PNPLA6: variants seen among roughly 807,000 people sequenced by gnomAD.
The protein encoded by PNPLA6 is patatin like domain 6, lysophospholipase.
A neutral mutation model predicts 153.7 loss-of-function variants in PNPLA6; 105 were observed. The ratio of observed to expected loss-of-function variants is 0.68; its 90% CI spans 0.58 to 0.80. The LOEUF (loss-of-function observed/expected upper bound fraction) is 0.80, where lower values mean the gene tolerates loss of function less well. Ranked by LOEUF, PNPLA6 falls within the 30% of genes least tolerant of loss-of-function variation. The probability of loss-of-function intolerance (pLI) is 0.00; values close to 1 mark genes in which losing one functional copy is unlikely to be tolerated. For synonymous variants in PNPLA6, 825 were observed against 822.2 expected, an observed-to-expected ratio of 1.00 and a Z score of -0.06; for missense variants, 1,423 against 1,919.3, an observed-to-expected ratio of 0.74 and a Z score of 4.83.
chr19:7,555,847 C>A lies in PNPLA6; in HGVS notation c.3093+84C>A. 1 of 1,437,726 alleles carries A rather than the reference C, an allele frequency of 7.0e-7. No individual in the cohort carries two copies. 89.1% of individuals were successfully genotyped at this position (1,437,726 alleles called of 1,614,324 possible). A position where few individuals can be genotyped will look rare whatever the true frequency, so the allele number is the denominator to read the frequency against. ...AACCTAACCTGATCCCATGGGGGAG[C>A]CTCCGGGGTCAGGGTGACCCTTCCT... On this transcript the variant is annotated intron_variant, in intron 24 of 31. Transcript: ENST00000600737. The surrounding 1 kb of genome is among the most constrained non-coding windows in gnomAD (Gnocchi z 6.3).
chr19:7,556,845 C>T (rs748041369), intron 26 of PNPLA6, 121 bp downstream of exon 26: 12 of 792,394 alleles, frequency 1.5e-5, no homozygotes, highest in African/African-American at 1.0e-4. Flanking sequence ...CACCCTGGCC[C>T]GATCACCGAC....
At position 7,540,611 on chromosome 19, in the gene PNPLA6, A is replaced by G. The variant is rs2023088200; in HGVS notation, c.715-19A>G. ...ACCAGGGCGAGGCCACTGAGGGTCC[A>G]CGGTCTCCTGTGTCTCAGGACGGGA... On this transcript the variant is annotated intron_variant, in intron 5 of 31. Coordinates refer to ENST00000600737, the MANE Select transcript of PNPLA6 (RefSeq NM_001166114.2). This position sits in a 1 kb window ranked among gnomAD's most constrained non-coding sequence, Gnocchi z 6.8. The G allele has an allele frequency of 6.2e-7, 1 of 1,602,250 alleles. No individual in the cohort carries two copies. Among genetic ancestry groups the G allele is most frequent in the Admixed American group, 1.7e-5 (1 of 59,994 alleles).
chr19:7,535,428 TGG>T, upstream of PNPLA6: 1 of 1,040,946 alleles, frequency 9.6e-7, no homozygotes, highest in Non-Finnish European at 1.5e-6. This position sits in a 1 kb window ranked among gnomAD's most constrained non-coding sequence, Gnocchi z 5.0. Flanking sequence ...GGGCTTGAGC[TGG>T]GGGCAGGGCT....
rs1332654239 is a variant in PNPLA6 at position 7,535,730 on chromosome 19, C to T, written c.-59C>T. 24 of 1,518,848 alleles carry T rather than the reference C, an allele frequency of 1.6e-5. No homozygotes were observed. The East Asian group carries it at 5.9e-4, about 38-fold the overall frequency. The allele number at this position is 1,518,848 out of a possible 1,614,324, so 94.1% of individuals were successfully genotyped here. A position where few individuals can be genotyped will look rare whatever the true frequency, so the allele number is the denominator to read the frequency against. On this transcript the variant is annotated 5_prime_UTR_variant, in exon 1 of 32. Coordinates refer to ENST00000600737, the MANE Select transcript of PNPLA6 (RefSeq NM_001166114.2). This position sits in a 1 kb window ranked among gnomAD's most constrained non-coding sequence, Gnocchi z 5.0. ...GTTTCCCGGCATGCACTGCGGGCCG[C>T]CGGGCCTCAGGGAAGAGTCGCGCCC...
rs780340075 is a variant in PNPLA6, at chr19:7,550,068, A to T, written c.1770A>T (p.Gln590His). The T allele has an allele frequency of 6.2e-7, 1 of 1,614,054 alleles. No homozygotes were observed. The highest frequency in any genetic ancestry group is 8.5e-7 in the Non-Finnish European group (1 of 1,180,028). The change falls in exon 14 of 32, where the codon CAA (glutamine) becomes CAT (histidine). Residue 590 changes from glutamine (Q) to histidine (H), a missense_variant. Transcript: ENST00000600737. ...CTCTCATCTTCACACTGCGAGCCCA[A>T]CGCGACTGCACCTTCCTGCGGATCT... Reference protein sequence around the residue: ...GEPLIFTLRAQRDCTFLRISK... With the variant: ...GEPLIFTLRAHRDCTFLRISK...
chr19:7,540,078 T>A lies in PNPLA6; in HGVS notation c.554+20T>A. On this transcript the variant is annotated intron_variant, in intron 4 of 31. Coordinates refer to ENST00000600737, the MANE Select transcript of PNPLA6 (RefSeq NM_001166114.2). This position sits in a 1 kb window ranked among gnomAD's most constrained non-coding sequence, Gnocchi z 6.8. ...CGTCCGGTCAGTGTTGGGGTGCAGG[T>A]GGGGGTGGAGGGCTGCAGACGTGGG... 1 of 1,613,832 alleles carries A rather than the reference T, an allele frequency of 6.2e-7. No homozygotes were observed. Among genetic ancestry groups the A allele is most frequent in the Non-Finnish European group, 8.5e-7 (1 of 1,179,936 alleles).
chr19:7,558,206 TCA>T (rs2023966382), intron 27 of PNPLA6, among the ~76,000 whole-genome samples: 1 of 152,126 alleles, frequency 6.6e-6, no homozygotes, highest in South Asian at 2.1e-4. Flanking sequence ...ACTTAAAATC[TCA>T]CACCCCAGAA....
Position 7,540,912 on chromosome 19 carries a change from C to T in PNPLA6, c.796-11C>T, listed in dbSNP as rs758381371. 6 of 1,612,926 alleles carry T rather than the reference C, an allele frequency of 3.7e-6. No homozygotes were observed. The African/African-American group carries it at 6.7e-5, about 18-fold the overall frequency. ...TGCCCTTGTCTCTCTTCACGCCCTC[C>T]CCTCCCCCAGGGTCACCAGCATCCC... On this transcript the variant is annotated splice_polypyrimidine_tract_variant and intron_variant, in intron 6 of 31. Coordinates refer to ENST00000600737, the MANE Select transcript of PNPLA6 (RefSeq NM_001166114.2). This position sits in a 1 kb window ranked among gnomAD's most constrained non-coding sequence, Gnocchi z 6.8.
In PNPLA6 at chr19:7,555,725, G is replaced by T; in HGVS notation, c.3055G>T (p.Ala1019Ser). Residue 1019 changes from alanine to serine, a missense_variant, in exon 24 of 32, where the codon GCC becomes TCC. Ala to Ser is a moderately conservative substitution (Grantham distance 99). Around this residue, in one of 10 missense-constraint regions of PNPLA6, gnomAD observed 643 missense variants for 835.2 expected, o/e 0.77. Transcript: ENST00000600737. The surrounding 1 kb of genome is among the most constrained non-coding windows in gnomAD (Gnocchi z 6.3). ...AGCGTTGTACGCGGAGGAGCGCAGC[G>T]CCAGCCGCACGAAGCAGCGGGCCCG... is the stretch of plus-strand genomic sequence containing the variant. Reference protein sequence around the residue: ...IGALYAEERSASRTKQRAREW... With the variant: ...IGALYAEERSSSRTKQRAREW... 6.2e-7 allele frequency: 1 copy of T among 1,613,790 alleles called. No homozygotes were observed. The highest frequency in any genetic ancestry group is 8.5e-7 in the Non-Finnish European group (1 of 1,179,854).
Position 7,557,184 on chromosome 19 carries a change from C to T in PNPLA6, c.3297C>T (p.Tyr1099=), listed in dbSNP as rs970236670. The change falls in exon 27 of 32, where the codon TAC becomes TAT. Residue 1099 remains tyrosine (Y), a synonymous_variant. Transcript: ENST00000600737. ...ACCGCGCAGGCTCCCTGTGGCGGTACGTGCGCGCCAGCATGACGCTGTCGG... is the reference window on the plus strand; with the variant it reads ...ACCGCGCAGGCTCCCTGTGGCGGTATGTGCGCGCCAGCATGACGCTGTCGG... The part of the protein sequence containing the change: ...RVHKDGSLWR[Y]VRASMTLSGY... 12 of 1,612,430 alleles carry T rather than the reference C, an allele frequency of 7.4e-6. No individual in the cohort carries two copies. Among genetic ancestry groups the T allele is most frequent in the East Asian group, 4.5e-5 (2 of 44,866 alleles).
rs761319242 is a variant in PNPLA6, at chr19:7,554,236, T to C, written c.2429T>C (p.Ile810Thr). The C allele has an allele frequency of 1.2e-6, 2 of 1,613,990 alleles. No individual in the cohort carries two copies. The highest frequency in any genetic ancestry group is 1.7e-6 in the Non-Finnish European group (2 of 1,179,964). The change falls in exon 20 of 32, where the codon ATC becomes ACC. Residue 810 changes from isoleucine (I) to threonine (T), a missense_variant. Physicochemically the swap from Ile to Thr is moderately conservative, Grantham distance 89 (BLOSUM62 -1). Around this residue, in one of 10 missense-constraint regions of PNPLA6, gnomAD observed 643 missense variants for 835.2 expected, o/e 0.77. Transcript: ENST00000600737. ...CCGACGCTACTCCTTAACAGTGACA[T>C]CATCCGGGCACGCCTGGGGGCCTCC... ...IGPTLLLNSDIIRARLGASAL... is the reference protein window; with the variant it reads ...IGPTLLLNSDTIRARLGASAL...
chr19:7,537,266 G>C (rs2022922304), intron 3 of PNPLA6, among the ~76,000 whole-genome samples: 1 of 152,076 alleles, frequency 6.6e-6, no homozygotes, highest in Non-Finnish European at 1.5e-5. Flanking sequence ...CTCCTAAAGG[G>C]GCTATCTCCA....
intron 18 of PNPLA6, 28 bp downstream of exon 18, chr19:7,551,465 T>G: frequency 1.9e-6 from 3 of 1,578,008 alleles, no homozygotes; most frequent in Non-Finnish European, 2.6e-6. Context: ...CAGAGCGTGC[T>G]GGGAGATGTA....
chr19:7,538,939 T>G (rs2022997104), intron 3 of PNPLA6, among the ~76,000 whole-genome samples: 1 of 152,204 alleles, frequency 6.6e-6, no homozygotes, highest in Admixed American at 6.5e-5. Context: ...GGAAGCTATG[T>G]CAGGGGTCTG....
intron 3 of PNPLA6, among the ~76,000 whole-genome samples, chr19:7,538,961 G>C (rs2022998098): frequency 6.6e-6 from 1 of 152,264 alleles, no homozygotes; most frequent in Middle Eastern, 3.4e-3. Context: ...CTTCCTAAAG[G>C]GTTCAGCTCA....
At chr19:7,535,701 CT>C (rs2022824369), upstream of PNPLA6, 1 of 1,523,958 alleles carries the variant, frequency 6.6e-7, no homozygotes, top group South Asian at 1.2e-5. This position sits in a 1 kb window ranked among gnomAD's most constrained non-coding sequence, Gnocchi z 5.0. Flanking sequence ...TCGGGCGGAA[CT>C]ACGTTTCCCG....
Position 7,560,642 on chromosome 19 carries a change from C to G in PNPLA6, c.3700-6C>G, listed in dbSNP as rs1460962453. On this transcript the variant is annotated splice_region_variant and splice_polypyrimidine_tract_variant and intron_variant, in intron 28 of 31. Transcript: ENST00000600737. ...AGACATGGACCCAGCCCCTCATTTC[C>G]CACAGGATGTGGGCTACCAGTACGG... 1.9e-6 allele frequency: 3 copies of G among 1,601,512 alleles called. No homozygotes were observed. Among genetic ancestry groups the G allele is most frequent in the African/African-American group, 1.3e-5 (1 of 74,640 alleles).
At chr19:7,556,355 C>T (rs1268494232) in intron 24 of PNPLA6, 98 bp from the exon 25 acceptor site, 6 of 807,256 alleles carry the variant, frequency 7.4e-6, no homozygotes, top group African/African-American at 3.3e-5. Flanking sequence ...AGCCGCTGCA[C>T]CTGGCCCCTA....
intron 29 of PNPLA6, 36 bp from the exon 30 acceptor site, chr19:7,560,978 G>GCC (rs35902090): frequency 3.2e-5 from 45 of 1,413,376 alleles, no homozygotes; most frequent in East Asian, 2.4e-5. Context: ...GACTCTGTGG[G>GCC]CCCCCCCTAA....
Sources: allele counts gnomAD v4.1 joint callset (sites outside exome capture counted in the v4.1 genomes callset), GRCh38; gene constraint gnomAD v4.1.1; regional missense constraint gnomAD v4.1.1; non-coding constraint Gnocchi (gnomAD v3.1); transcripts MANE v1.5; gene names NCBI Gene and HGNC (gene_info 2026-07-23, HGNC 2026-07-21).